NEK10: variants seen among roughly 807,000 people sequenced by gnomAD.
The protein encoded by NEK10 is serine/threonine-protein kinase Nek10.
NEK10 carries 122 observed loss-of-function variants against 159.8 expected under a neutral mutation model. That is an observed-to-expected ratio of 0.76 (90% CI 0.66 to 0.89). The LOEUF is 0.89. Among genes scored for constraint, NEK10 ranks in the 40% least tolerant of loss-of-function variants. The pLI, the probability that NEK10 is intolerant of heterozygous loss-of-function variation, is 0.00. For synonymous variants in NEK10, 466 were observed against 457.1 expected (o/e 1.02, Z -0.25); for missense variants, 1,342 against 1,323.1 (o/e 1.01, Z -0.22).
intron 23 of NEK10, among the ~76,000 whole-genome samples, chr3:27,250,380 G>T (rs915329999): frequency 6.6e-6 from 1 of 151,974 alleles, no homozygotes; most frequent in African/African-American, 2.4e-5. Context: ...TAGAGACGGG[G>T]TTTCACTGTG....
intron 23 of NEK10, among the ~76,000 whole-genome samples, chr3:27,247,089 TC>T (rs1955152604): frequency 6.6e-6 from 1 of 152,196 alleles, no homozygotes; most frequent in African/African-American, 2.4e-5. Context: ...CTTGACTTCT[TC>T]CTTCCCAATT....
At chr3:27,331,516 A>T (rs1575782408) in intron 5 of NEK10, among the ~76,000 whole-genome samples, 1 of 152,280 alleles carries the variant, frequency 6.6e-6, no homozygotes, top group African/African-American at 2.4e-5. Flanking sequence ...CTTATTCAAA[A>T]CACTGAAGAG....
Position 27,284,693 on chromosome 3 carries a change from A to G in NEK10, c.1923T>C (p.Ala641=), listed in dbSNP as rs1425349220. 6.2e-7 allele frequency: 1 copy of G among 1,605,734 alleles called. No homozygotes were observed. Among genetic ancestry groups the G allele is most frequent in the Non-Finnish European group, 8.5e-7 (1 of 1,172,568 alleles). Residue 641 remains alanine, a synonymous_variant, in exon 22 of 36, where the codon GCT becomes GCC. Coordinates refer to ENST00000691995, the MANE Select transcript of NEK10 (RefSeq NM_001394966.1). The stretch of plus-strand genomic sequence containing the variant: ...TCTTCTCCTTGTGTAAGTATCGAAG[A>G]GCTAAGCACAGCTTGAAACAATGAA... ...LWKIFIQLCL[A]LRYLHKEKRI...
chr3:27,312,966 T>C (rs948949586), intron 7 of NEK10, among the ~76,000 whole-genome samples: 2 of 152,198 alleles, frequency 1.3e-5, no homozygotes, highest in African/African-American at 4.8e-5. Context: ...ACATGTTTAT[T>C]ATGAAAATCA....
chr3:27,240,488 A>G (rs1290255478), intron 23 of NEK10, among the ~76,000 whole-genome samples: 2 of 152,164 alleles, frequency 1.3e-5, no homozygotes, highest in Admixed American at 6.5e-5. Context: ...TCTAAATATA[A>G]AGTCACATAA....
chr3:27,286,544 G>GA (rs1360349869), intron 20 of NEK10, among the ~76,000 whole-genome samples: 2 of 50,288 alleles, frequency 4.0e-5, no homozygotes, highest in African/African-American at 3.0e-4. Context: ...ACCACGCCCA[G>GA]CTTTTTTTTT....
intron 30 of NEK10, among the ~76,000 whole-genome samples, chr3:27,158,386 T>C (rs1351958850): frequency 6.6e-6 from 1 of 152,212 alleles, no homozygotes; most frequent in Admixed American, 6.5e-5. Context: ...TTAAGTACTT[T>C]ATGTTAATAA....
At chr3:27,191,919 G>T (rs765813289) in intron 26 of NEK10, 110 bp downstream of exon 26, 568 of 808,510 alleles carry the variant, frequency 7.0e-4, no homozygotes, top group Non-Finnish European at 9.8e-4. Context: ...CTGCAATATT[G>T]CATGTAACTA....
chr3:27,297,028 A>G (rs541202884), intron 14 of NEK10, 151 bp downstream of exon 14: 191 of 530,636 alleles, frequency 3.6e-4, no homozygotes, highest in African/African-American at 3.4e-3. Context: ...TATAAAGTGG[A>G]ACTTTATTAG....
intron 23 of NEK10, among the ~76,000 whole-genome samples, chr3:27,241,046 A>G (rs1386215286): frequency 1.3e-5 from 2 of 152,150 alleles, no homozygotes; most frequent in Non-Finnish European, 2.9e-5. Context: ...CCCCAGAACT[A>G]CAGGGAGGCA....
At chr3:27,174,975 A>C (rs1043767689) in intron 26 of NEK10, 142 bp from the exon 27 acceptor site, 1 of 636,842 alleles carries the variant, frequency 1.6e-6, no homozygotes. Context: ...AGTTCCACCT[A>C]TACACCTGTT....
chr3:27,208,051 T>G (rs1950671769), intron 23 of NEK10, among the ~76,000 whole-genome samples: 1 of 152,174 alleles, frequency 6.6e-6, no homozygotes, highest in African/African-American at 2.4e-5. Flanking sequence ...TGTGGATGTC[T>G]GTGTGTTTGT....
chr3:27,282,746 G>GTT (rs2042298537), intron 22 of NEK10, among the ~76,000 whole-genome samples: 1 of 140,564 alleles, frequency 7.1e-6, no homozygotes, highest in Non-Finnish European at 1.5e-5. Context: ...ACATAACTGT[G>GTT]TTATATATAT....
chr3:27,278,816 CAA>C (rs1254081307), intron 22 of NEK10: 2 of 985,256 alleles, frequency 2.0e-6, no homozygotes, highest in South Asian at 4.7e-5. Flanking sequence ...CAAATTCCCT[CAA>C]GAGTCATTTT....
chr3:27,331,251 C>CAAAAAAAAAAA (rs1247716064), intron 5 of NEK10, among the ~76,000 whole-genome samples: 2 of 53,908 alleles, frequency 3.7e-5, no homozygotes, highest in Non-Finnish European at 8.5e-5. Flanking sequence ...AAAAAAAAAA[C>CAAAAAAAAAAA]AAAAAAAAAA....
At chr3:27,251,947 T>C (rs1955713355) in intron 23 of NEK10, among the ~76,000 whole-genome samples, 1 of 152,210 alleles carries the variant, frequency 6.6e-6, no homozygotes, top group African/African-American at 2.4e-5. Flanking sequence ...AAGCATTTTC[T>C]TCAGGCTTTA....
chr3:27,204,301 GTTT>G lies in NEK10; in HGVS notation c.2091-1747_2091-1745del, dbSNP rs567092116. 7.5e-3 allele frequency among the ~76,000 whole-genome samples: 498 copies of G among 66,350 alleles called. 2 individuals carry two copies. The highest frequency in any genetic ancestry group is 0.026 in the African/African-American group (443 of 16,764). 43.5% of individuals were successfully genotyped at this position (66,350 alleles called of 152,430 possible). ...TTTTTTTTTTTTTTTTTTTGTTGTTGTTTTTTTTTTTTTTTTTTTTATTATACT... is the reference window on the plus strand; with the variant it reads ...TTTTTTTTTTTTTTTTTTTGTTGTTGTTTTTTTTTTTTTTTTTATTATACT... On this transcript the variant is annotated intron_variant, in intron 23 of 35. Transcript: ENST00000691995.
intron 5 of NEK10, among the ~76,000 whole-genome samples, chr3:27,329,877 T>C (rs1463667598): frequency 3.3e-5 from 5 of 152,188 alleles, no homozygotes; most frequent in African/African-American, 1.2e-4. Flanking sequence ...TCTACCTCTA[T>C]AATTTCATGA....
At chr3:27,139,889 T>C (rs1311306946) in intron 31 of NEK10, among the ~76,000 whole-genome samples, 1 of 152,146 alleles carries the variant, frequency 6.6e-6, no homozygotes, top group Non-Finnish European at 1.5e-5. Flanking sequence ...GAGAAATACA[T>C]TGGAAAGGGG....
Sources: allele counts gnomAD v4.1 joint callset (sites outside exome capture counted in the v4.1 genomes callset), GRCh38; gene constraint gnomAD v4.1.1; transcripts MANE v1.5; gene names NCBI Gene and HGNC (gene_info 2026-07-23, HGNC 2026-07-21).